BAG2: variants seen among roughly 807,000 people sequenced by gnomAD.
The protein encoded by BAG2 is BAG family molecular chaperone regulator 2.
In BAG2, 8 loss-of-function variants were observed where a neutral mutation model predicts 16.4. The observed-to-expected ratio is 0.49, with a 90% CI of 0.29 to 0.88. The LOEUF is 0.88. BAG2 is among the 40% of genes least tolerant of loss of function. The pLI is 0.09. For missense variants in BAG2, 218 were observed against 248.9 expected (o/e 0.88, Z 0.84); for synonymous variants, 82 against 89.2 (o/e 0.92, Z 0.46).
chr6:57,184,330 C>G lies in BAG2; in HGVS notation c.*140C>G. On this transcript the variant is annotated 3_prime_UTR_variant, in exon 3 of 3. Coordinates refer to ENST00000370693, the MANE Select transcript of BAG2 (RefSeq NM_004282.4). The stretch of plus-strand genomic sequence containing the variant: ...GTTTCAGATGAGGAAAATATTCCAT[C>G]AAGTATCTTCAGTTTTGTGAATAAC... 2.8e-6 allele frequency: 2 copies of G among 718,698 alleles called. No individual in the cohort carries two copies. Among genetic ancestry groups the G allele is most frequent in the Non-Finnish European group, 2.0e-6 (1 of 499,046 alleles). 44.5% of individuals were successfully genotyped at this position (718,698 alleles called of 1,614,324 possible). A position where few individuals can be genotyped will look rare whatever the true frequency, so the allele number is the denominator to read the frequency against.
At chr6:57,177,827 C>T (rs1764327028) in intron 1 of BAG2, among the ~76,000 whole-genome samples, 1 of 152,170 alleles carries the variant, frequency 6.6e-6, no homozygotes, top group Non-Finnish European at 1.5e-5. Flanking sequence ...CGCAAAATTG[C>T]TGTTGTACTC....
At chr6:57,176,877 G>A in intron 1 of BAG2, among the ~76,000 whole-genome samples, 1 of 143,882 alleles carries the variant, frequency 7.0e-6, no homozygotes, top group Admixed American at 6.8e-5. Flanking sequence ...CTCTCTCCTA[G>A]AAATGAGGGA....
At position 57,183,764 on chromosome 6, in the gene BAG2, A is replaced by G. The variant is rs200266617; in HGVS notation, c.224-14A>G. 1.2e-5 allele frequency: 18 copies of G among 1,538,916 alleles called. No individual in the cohort carries two copies. The highest frequency in any genetic ancestry group is 1.0e-4 in the Admixed American group (5 of 48,160). On this transcript the variant is annotated splice_polypyrimidine_tract_variant and intron_variant, in intron 2 of 2. Transcript: ENST00000370693. ...TTTGACACAGATAAGTTTACATCTC[A>G]TATTGATTTTTAGGAGAAAGAGAAG...
At chr6:57,175,723 T>C (rs1161093201) in intron 1 of BAG2, among the ~76,000 whole-genome samples, 1 of 152,222 alleles carries the variant, frequency 6.6e-6, no homozygotes, top group South Asian at 2.1e-4. Flanking sequence ...TAGCTGGACA[T>C]GTGGAGGCTC....
intron 2 of BAG2, 59 bp from the exon 3 acceptor site, chr6:57,183,719 C>T: frequency 1.4e-6 from 2 of 1,412,270 alleles, no homozygotes; most frequent in Non-Finnish European, 1.9e-6. Context: ...AATTTAGTCA[C>T]AAACAAATGC....
chr6:57,174,350 C>T, intron 1 of BAG2: 1 of 1,304,236 alleles, frequency 7.7e-7, no homozygotes, highest in South Asian at 1.2e-5. Flanking sequence ...CGCCTTCCTT[C>T]AAGCTGAGTC....
At chr6:57,178,667 AAT>A (rs1338547874) in intron 1 of BAG2, among the ~76,000 whole-genome samples, 4 of 152,208 alleles carry the variant, frequency 2.6e-5, no homozygotes, top group African/African-American at 9.6e-5. Flanking sequence ...CCTTGCATGA[AAT>A]GAAAAAGGTA....
rs568903615 is a variant in BAG2, at chr6:57,173,092, G to C, written c.113+282G>C. 1.5e-3 allele frequency: 1,538 copies of C among 1,002,868 alleles called. 25 individuals carry two copies. In the South Asian group the frequency reaches 0.026, roughly 17 times the overall value. 62.1% of individuals were successfully genotyped at this position (1,002,868 alleles called of 1,614,324 possible). A position where few individuals can be genotyped will look rare whatever the true frequency, so the allele number is the denominator to read the frequency against. Reference sequence around the variant, plus strand: ...TTGATTAATTTACCTAGGTGTTAGGGAGCGGAAAAAAATCAGAGGAGATAA... The same window carrying C: ...TTGATTAATTTACCTAGGTGTTAGGCAGCGGAAAAAAATCAGAGGAGATAA... On this transcript the variant is annotated intron_variant, in intron 1 of 2. Transcript: ENST00000370693.
At chr6:57,173,128 G>A (rs1394595523) in intron 1 of BAG2, 1 of 1,037,796 alleles carries the variant, frequency 9.6e-7, no homozygotes, top group Non-Finnish European at 1.2e-6. Flanking sequence ...AAGTTACAGT[G>A]AGATTCCATG....
intron 1 of BAG2, among the ~76,000 whole-genome samples, chr6:57,180,279 T>C (rs1327072005): frequency 6.6e-6 from 1 of 152,190 alleles, no homozygotes; most frequent in Non-Finnish European, 1.5e-5. Flanking sequence ...TATAAAGATG[T>C]CTAATTTCTC....
At chr6:57,183,736 G>A in intron 2 of BAG2, 42 bp from the exon 3 acceptor site, 1 of 1,465,552 alleles carries the variant, frequency 6.8e-7, no homozygotes. Context: ...ATGCCTTAAT[G>A]TTTTTGACAC....
At chr6:57,176,152 T>C (rs1764278738) in intron 1 of BAG2, among the ~76,000 whole-genome samples, 1 of 152,208 alleles carries the variant, frequency 6.6e-6, no homozygotes, top group Non-Finnish European at 1.5e-5. Flanking sequence ...GGCTAATGTT[T>C]ATTCATTTAA....
rs1382334710 is a variant in BAG2 at position 57,172,563 on chromosome 6, G to A, written c.-135G>A. 3.0e-6 allele frequency: 2 copies of A among 672,892 alleles called. No individual in the cohort carries two copies. The highest frequency in any genetic ancestry group is 4.5e-6 in the Non-Finnish European group (2 of 440,012). 41.7% of individuals were successfully genotyped at this position (672,892 alleles called of 1,614,324 possible). A position where few individuals can be genotyped will look rare whatever the true frequency, so the allele number is the denominator to read the frequency against. On this transcript the variant is annotated 5_prime_UTR_variant, in exon 1 of 3. Coordinates refer to ENST00000370693, the MANE Select transcript of BAG2 (RefSeq NM_004282.4). ...AGCCGCGGTGTCGGCGAGTCCTCCC[G>A]GGTTGCCCCCGCGGGCGTCAGAGGG...
chr6:57,181,691 TCAAAAA>T (rs1183922821), intron 1 of BAG2, among the ~76,000 whole-genome samples: 1 of 151,960 alleles, frequency 6.6e-6, no homozygotes, highest in African/African-American at 2.4e-5. Context: ...CAAGACTGTC[TCAAAAA>T]CAAAAAACAA....
chr6:57,174,446 T>C (rs1475413016), intron 1 of BAG2: 14 of 1,251,296 alleles, frequency 1.1e-5, no homozygotes, highest in Non-Finnish European at 1.5e-5. Flanking sequence ...AAGCCTCAGG[T>C]TTTGAATATT....
chr6:57,188,862 C>T lies in BAG2; in HGVS notation c.*4672C>T, dbSNP rs1021199070. The T allele has an allele frequency of 3.3e-5, 5 of 151,854 alleles. No individual in the cohort carries two copies. The highest frequency in any genetic ancestry group is 3.3e-4 in the Admixed American group (5 of 15,230). The allele number at this position is 151,854 out of a possible 1,614,324, so 9.4% of individuals were successfully genotyped here. A position where few individuals can be genotyped will look rare whatever the true frequency, so the allele number is the denominator to read the frequency against. On this transcript the variant is annotated 3_prime_UTR_variant, in exon 3 of 3. Coordinates refer to ENST00000370693, the MANE Select transcript of BAG2 (RefSeq NM_004282.4). ...CTTTTGATCACTTAACAAGGACACA[C>T]CCAGGAAATTTGATTTTCTCAACAT...
rs2127995479 is a variant in BAG2, at chr6:57,188,799, T to TTTTA, written c.*4613_*4616dup. Reference sequence around the variant, plus strand: ...AAGCAAAAATTTACTTTTTAATTTTTTTTATTTTTCCATCTAAAATGGCAA... The same window carrying TTTTA: ...AAGCAAAAATTTACTTTTTAATTTTTTTTATTTATTTTTCCATCTAAAATGGCAA... On this transcript the variant is annotated 3_prime_UTR_variant, in exon 3 of 3. Transcript: ENST00000370693. 1 of 152,326 alleles carries TTTTA rather than the reference T, an allele frequency of 6.6e-6. No homozygotes were observed. The highest frequency in any genetic ancestry group is 1.9e-4 in the East Asian group (1 of 5,192). 9.4% of individuals were successfully genotyped at this position (152,326 alleles called of 1,614,324 possible).
rs746014326 is a variant in BAG2 at position 57,172,663 on chromosome 6, GGTGACCTCTTGGCTACCCC to G, written c.-33_-15del. 1.1e-5 allele frequency: 16 copies of G among 1,460,726 alleles called. No homozygotes were observed. In the South Asian group the frequency reaches 2.1e-4, roughly 19 times the overall value. The allele number at this position is 1,460,726 out of a possible 1,614,324, so 90.5% of individuals were successfully genotyped here. A position where few individuals can be genotyped will look rare whatever the true frequency, so the allele number is the denominator to read the frequency against. On this transcript the variant is annotated 5_prime_UTR_variant, in exon 1 of 3. Transcript: ENST00000370693. ...TCCACTCGCTGCCGCCGGAGGGGCC[GGTGACCTCTTGGCTACCCC>G]GCGTCGGAGGCTTAGATGGCTCAGG... is the stretch of plus-strand genomic sequence containing the variant.
At chr6:57,174,152 T>A (rs1195155995) in intron 1 of BAG2, 3 of 1,035,460 alleles carry the variant, frequency 2.9e-6, no homozygotes. Context: ...AAGTAGAAAT[T>A]GGTGGCCTCA....
Sources: gnomAD v4.1 joint callset for allele counts (sites outside exome capture counted in the v4.1 genomes callset) on GRCh38, gnomAD v4.1.1 for gene constraint, MANE v1.5 for transcripts, NCBI Gene and HGNC (gene_info 2026-07-23, HGNC 2026-07-21) for gene names.